ROR1: variants seen among roughly 807,000 people sequenced by gnomAD.
ROR1 encodes inactive tyrosine-protein kinase transmembrane receptor ROR1.
In ROR1, 19 loss-of-function variants were observed where a neutral mutation model predicts 78.8. That is an observed-to-expected ratio of 0.24 (90% CI 0.17 to 0.35). The LOEUF is 0.35. ROR1 is among the 10% of genes least tolerant of loss of function. ROR1 has a pLI of 1.00. For synonymous variants in ROR1, 386 were observed against 433.6 expected (o/e 0.89, Z 1.36); for missense variants, 917 against 1,177.8 (o/e 0.78, Z 3.24).
At chr1:64,072,864 C>T (rs1647019157) in intron 4 of ROR1, among the ~76,000 whole-genome samples, 1 of 152,146 alleles carries the variant, frequency 6.6e-6, no homozygotes, top group South Asian at 2.1e-4. Context: ...CTGGATTCCA[C>T]CTCTGCTAGA....
chr1:63,804,018 T>C (rs1272026319), intron 1 of ROR1, among the ~76,000 whole-genome samples: 1 of 152,092 alleles, frequency 6.6e-6, no homozygotes, highest in East Asian at 1.9e-4. Flanking sequence ...CCTTTTGAGA[T>C]TATGCTGAGT....
At chr1:63,780,593 T>G (rs1480860784) in intron 1 of ROR1, among the ~76,000 whole-genome samples, 2 of 152,194 alleles carry the variant, frequency 1.3e-5, no homozygotes, top group African/African-American at 2.4e-5. Context: ...ATGGTCCTGC[T>G]GCAAGGTAGC....
intron 1 of ROR1, among the ~76,000 whole-genome samples, chr1:63,896,883 A>G (rs984478687): frequency 6.6e-6 from 1 of 152,184 alleles, no homozygotes; most frequent in Admixed American, 6.5e-5. Context: ...CTGACTCTCT[A>G]TTAATTATTA....
intron 4 of ROR1, among the ~76,000 whole-genome samples, chr1:64,120,729 T>G (rs1648501744): frequency 6.6e-6 from 1 of 152,190 alleles, no homozygotes. Context: ...CTGCATACAC[T>G]TAACACCTGC....
At chr1:64,050,017 G>T in intron 3 of ROR1, 39 bp downstream of exon 3, 2 of 1,605,684 alleles carry the variant, frequency 1.2e-6, no homozygotes, top group Non-Finnish European at 8.5e-7. Context: ...TTGGCCCTCA[G>T]CCCAATGTGG....
At chr1:64,063,953 TTCTC>T (rs376511744) in intron 4 of ROR1, among the ~76,000 whole-genome samples, 3 of 150,390 alleles carry the variant, frequency 2.0e-5, no homozygotes, top group African/African-American at 4.9e-5. Context: ...AGCTCTACCT[TTCTC>T]TCTCTCTCTC....
intron 2 of ROR1, among the ~76,000 whole-genome samples, chr1:64,027,407 T>A (rs1243266203): frequency 6.6e-6 from 1 of 152,220 alleles, no homozygotes; most frequent in South Asian, 2.1e-4. Context: ...TATCTGCTGC[T>A]CCATAACATC....
At chr1:63,943,656 G>A (rs1288297972) in intron 1 of ROR1, among the ~76,000 whole-genome samples, 1 of 152,176 alleles carries the variant, frequency 6.6e-6, no homozygotes, top group South Asian at 2.1e-4. Flanking sequence ...ACTGCTCCCC[G>A]CCACCAAGCT....
intron 4 of ROR1, among the ~76,000 whole-genome samples, chr1:64,057,561 T>A (rs1248855633): frequency 6.6e-6 from 1 of 152,218 alleles, no homozygotes; most frequent in Admixed American, 6.5e-5. Flanking sequence ...AGTCCACAGG[T>A]AGAATTTCTT....
In ROR1 at chr1:64,159,205, G is replaced by A; in HGVS notation, c.1386+13G>A. ...ATATAAACCCAAGGTAATGTTAGCAGTACAGAGCTACATTTGTTCCGTGGG... is the reference window on the plus strand; with the variant it reads ...ATATAAACCCAAGGTAATGTTAGCAATACAGAGCTACATTTGTTCCGTGGG... On this transcript the variant is annotated intron_variant, in intron 8 of 8. Coordinates refer to ENST00000371079, the MANE Select transcript of ROR1 (RefSeq NM_005012.4). 1 of 1,590,060 alleles carries A rather than the reference G, an allele frequency of 6.3e-7. No homozygotes were observed. Among genetic ancestry groups the A allele is most frequent in the Non-Finnish European group, 8.6e-7 (1 of 1,158,078 alleles).
chr1:63,844,386 G>C (rs1205289170), intron 1 of ROR1, among the ~76,000 whole-genome samples: 2 of 152,136 alleles, frequency 1.3e-5, no homozygotes, highest in Non-Finnish European at 2.9e-5. Flanking sequence ...CCTTCTCTTG[G>C]ATGCTCCATG....
At chr1:63,956,468 A>G (rs528767357) in intron 1 of ROR1, among the ~76,000 whole-genome samples, 2 of 152,182 alleles carry the variant, frequency 1.3e-5, no homozygotes, top group African/African-American at 2.4e-5. Flanking sequence ...GAGTTAACGC[A>G]GGTGAAGGGC....
At chr1:64,160,255 T>A (rs370771148) in intron 8 of ROR1, among the ~76,000 whole-genome samples, 67 of 152,276 alleles carry the variant, frequency 4.4e-4, no homozygotes, top group African/African-American at 1.6e-3. Context: ...TGGAGTAGCG[T>A]AATTGGGCTG....
At chr1:63,876,110 G>T (rs996377891) in intron 1 of ROR1, among the ~76,000 whole-genome samples, 4 of 152,220 alleles carry the variant, frequency 2.6e-5, no homozygotes, top group African/African-American at 7.2e-5. Flanking sequence ...GGAGTCCCTC[G>T]TTCATTCTGT....
intron 1 of ROR1, among the ~76,000 whole-genome samples, chr1:63,794,818 C>T (rs1421363224): frequency 6.6e-6 from 1 of 152,174 alleles, no homozygotes; most frequent in Non-Finnish European, 1.5e-5. Context: ...TGACTGTATG[C>T]CCGGGACTGT....
At chr1:64,025,829 A>T (rs1447302863) in intron 2 of ROR1, among the ~76,000 whole-genome samples, 1 of 152,208 alleles carries the variant, frequency 6.6e-6, no homozygotes, top group Non-Finnish European at 1.5e-5. Context: ...ATGCAAAGGC[A>T]TAAGAATGAT....
intron 2 of ROR1, among the ~76,000 whole-genome samples, chr1:64,013,941 T>C (rs1212594228): frequency 6.6e-6 from 1 of 152,248 alleles, no homozygotes; most frequent in Non-Finnish European, 1.5e-5. Context: ...CTACCAGGCG[T>C]GAGGCACCTG....
intron 2 of ROR1, among the ~76,000 whole-genome samples, chr1:64,033,270 C>T (rs963390848): frequency 1.3e-5 from 2 of 152,070 alleles, no homozygotes; most frequent in East Asian, 3.8e-4. Context: ...TTTTAATTCA[C>T]CTTAATTTTG....
At chr1:64,003,327 A>G (rs1570043269) in intron 1 of ROR1, among the ~76,000 whole-genome samples, 2 of 152,218 alleles carry the variant, frequency 1.3e-5, no homozygotes, top group East Asian at 1.9e-4. Flanking sequence ...GCTGATTACA[A>G]TGTAATTACA....
Sources: allele counts gnomAD v4.1 joint callset (sites outside exome capture counted in the v4.1 genomes callset), GRCh38; gene constraint gnomAD v4.1.1; transcripts MANE v1.5; gene names NCBI Gene and HGNC (gene_info 2026-07-23, HGNC 2026-07-21).